PDLIM5: variants seen among roughly 807,000 people sequenced by gnomAD.
The protein encoded by PDLIM5 is PDZ and LIM domain protein 5.
In PDLIM5, 34 loss-of-function variants were observed where a neutral mutation model predicts 64.2. The ratio of observed to expected loss-of-function variants is 0.53; its 90% confidence interval spans 0.40 to 0.71. The LOEUF is 0.71. Ranked by LOEUF, PDLIM5 falls within the 30% of genes least tolerant of loss-of-function variation. PDLIM5 has a pLI of 0.00. For missense variants in PDLIM5, 683 were observed against 733.6 expected, an observed-to-expected ratio of 0.93 and a Z score of 0.80; for synonymous variants, 253 against 269.1, an observed-to-expected ratio of 0.94 and a Z score of 0.59.
intron 2 of PDLIM5, among the ~76,000 whole-genome samples, chr4:94,486,003 G>T (rs374583995): frequency 2.0e-5 from 3 of 152,094 alleles, no homozygotes; most frequent in African/African-American, 2.4e-5. Context: ...CCCCCCTCAC[G>T]ATCAGGAAGG....
At chr4:94,612,509 A>C (rs1403264929) in intron 7 of PDLIM5, among the ~76,000 whole-genome samples, 1 of 152,194 alleles carries the variant, frequency 6.6e-6, no homozygotes, top group Non-Finnish European at 1.5e-5. Context: ...GGTAAGAGCT[A>C]TAGATCCTCT....
intron 3 of PDLIM5, among the ~76,000 whole-genome samples, chr4:94,557,129 G>A (rs1168406397): frequency 6.6e-6 from 1 of 152,140 alleles, no homozygotes; most frequent in Non-Finnish European, 1.5e-5. Context: ...CATATGGCTA[G>A]CCAGTTTTCC....
rs562346848 is a variant in PDLIM5 at position 94,652,256 on chromosome 4, C to A, written c.1284-2204C>A. On this transcript the variant is annotated intron_variant, in intron 9 of 12. Transcript: ENST00000317968. ...ATACTAGCCTCAAGAGTCCTCCAGC[C>A]TTATGGATGAGCTAAAGATGTGCCC... 2.6e-5 allele frequency among the ~76,000 whole-genome samples: 4 copies of A among 152,258 alleles called. No homozygotes were observed. The East Asian group carries it at 7.7e-4, about 29-fold the overall frequency.
chr4:94,501,396 A>G (rs976655226), intron 2 of PDLIM5, among the ~76,000 whole-genome samples: 1 of 152,128 alleles, frequency 6.6e-6, no homozygotes, highest in Admixed American at 6.5e-5. Context: ...ATTTTATGGC[A>G]TTGAGGGCAT....
At chr4:94,573,563 C>G (rs1671638038) in intron 4 of PDLIM5, 170 bp downstream of exon 4, 1 of 712,506 alleles carries the variant, frequency 1.4e-6, no homozygotes, top group South Asian at 1.5e-5. Context: ...GAGATCAGCA[C>G]ATACCATTTG....
chr4:94,602,283 AT>A (rs1737568920), intron 7 of PDLIM5, among the ~76,000 whole-genome samples: 1 of 152,190 alleles, frequency 6.6e-6, no homozygotes, highest in Non-Finnish European at 1.5e-5. Context: ...TGAAGATGCC[AT>A]TTTTATGTTG....
At chr4:94,545,241 A>G (rs1732204778) in intron 3 of PDLIM5, among the ~76,000 whole-genome samples, 1 of 152,100 alleles carries the variant, frequency 6.6e-6, no homozygotes, top group Non-Finnish European at 1.5e-5. Flanking sequence ...TAGCAATAAA[A>G]CTCTTGAAAC....
chr4:94,610,062 A>G (rs1265356437), intron 7 of PDLIM5: 1 of 646,026 alleles, frequency 1.5e-6, no homozygotes, highest in African/African-American at 1.8e-5. Context: ...TATAATGCTT[A>G]GATATTAATA....
rs1464632408 is a variant in PDLIM5, at chr4:94,666,988, T to C, written c.*2921T>C. On this transcript the variant is annotated 3_prime_UTR_variant, in exon 13 of 13. Coordinates refer to ENST00000317968, the MANE Select transcript of PDLIM5 (RefSeq NM_006457.5). ...AATCCTTTAATAACTGGCAGAGCAC[T>C]TTATTCTTCTGGTGAGCTCCCTGAA... 6.6e-6 allele frequency: 1 copy of C among 152,228 alleles called. No homozygotes were observed. The highest frequency in any genetic ancestry group is 1.5e-5 in the Non-Finnish European group (1 of 68,030). 9.4% of individuals were successfully genotyped at this position (152,228 alleles called of 1,614,324 possible).
intron 7 of PDLIM5, among the ~76,000 whole-genome samples, chr4:94,591,218 C>T (rs1736650465): frequency 6.6e-6 from 1 of 152,208 alleles, no homozygotes; most frequent in Non-Finnish European, 1.5e-5. Flanking sequence ...TTGTTCATCC[C>T]ATTCCAGAAA....
At chr4:94,608,078 G>A in intron 7 of PDLIM5, 3 of 1,532,262 alleles carry the variant, frequency 2.0e-6, no homozygotes, top group Non-Finnish European at 2.6e-6. Context: ...TGCTCTGGAA[G>A]ACCTACCTAA....
At chr4:94,628,224 A>T (rs753856044) in intron 8 of PDLIM5, among the ~76,000 whole-genome samples, 33 of 152,190 alleles carry the variant, frequency 2.2e-4, no homozygotes, top group Non-Finnish European at 4.3e-4. Context: ...AAAGCCCAGA[A>T]CTAGGAGCCT....
intron 10 of PDLIM5, among the ~76,000 whole-genome samples, chr4:94,655,691 T>G (rs1742156528): frequency 6.6e-6 from 1 of 152,214 alleles, no homozygotes; most frequent in African/African-American, 2.4e-5. Flanking sequence ...AATACTGTTT[T>G]AGTGTATCAA....
chr4:94,515,076 G>A (rs1276055497), intron 2 of PDLIM5, among the ~76,000 whole-genome samples: 2 of 152,168 alleles, frequency 1.3e-5, no homozygotes, highest in African/African-American at 4.8e-5. Context: ...GATTTGCAGT[G>A]TGGCAGTTCA....
At position 94,664,726 on chromosome 4, in the gene PDLIM5, C is replaced by T. The variant is rs544970916; in HGVS notation, c.*659C>T. On this transcript the variant is annotated 3_prime_UTR_variant, in exon 13 of 13. Transcript: ENST00000317968. The stretch of plus-strand genomic sequence containing the variant: ...CTCTACTAAAAATACAAAAATTAGC[C>T]GGACGCAGTGGCACGCGCCTGTAAT... 81 of 177,094 alleles carry T rather than the reference C, an allele frequency of 4.6e-4. 2 individuals are homozygous for T. The highest frequency in any genetic ancestry group is 1.3e-3 in the South Asian group (7 of 5,264). 11.0% of individuals were successfully genotyped at this position (177,094 alleles called of 1,614,324 possible).
At position 94,528,542 on chromosome 4, in the gene PDLIM5, G is replaced by T. The variant is rs796372927; in HGVS notation, c.248+4667G>T. ...CTCTATTTGTATTTGATAGCATCTT[G>T]TATAGTAGTCTGTTTTTGATAGGCA... On this transcript the variant is annotated intron_variant, in intron 3 of 12. Transcript: ENST00000317968. Among the ~76,000 whole-genome samples the T allele has an allele frequency of 5.3e-5, 8 of 152,186 alleles. No individual in the cohort carries two copies. The South Asian group carries it at 1.0e-3, about 20-fold the overall frequency.
chr4:94,472,177 C>T (rs183772094), intron 2 of PDLIM5, among the ~76,000 whole-genome samples: 152 of 152,178 alleles, frequency 1.0e-3, no homozygotes, highest in South Asian at 1.2e-3. Context: ...CACACACACA[C>T]GCACACGCAC....
At chr4:94,576,160 G>T (rs375489288) in intron 5 of PDLIM5, 126 bp downstream of exon 5, 13 of 753,592 alleles carry the variant, frequency 1.7e-5, no homozygotes, top group Non-Finnish European at 2.8e-5. Context: ...AGTATTATTT[G>T]CCTCATTAAC....
chr4:94,634,321 T>A (rs967140122), intron 8 of PDLIM5, among the ~76,000 whole-genome samples: 2 of 152,134 alleles, frequency 1.3e-5, no homozygotes, highest in African/African-American at 4.8e-5. Context: ...TGGTGAGACA[T>A]CATTATGTGA....
Sources: allele counts gnomAD v4.1 joint callset (sites outside exome capture counted in the v4.1 genomes callset), GRCh38; gene constraint gnomAD v4.1.1; transcripts MANE v1.5; gene names NCBI Gene and HGNC (gene_info 2026-07-23, HGNC 2026-07-21).